The following DEPDC5 variants were observed in gnomAD, a reference collection of about 807,000 sequenced individuals.
DEPDC5 encodes the protein DEP domain containing 5, GATOR1 subcomplex subunit, also known as GATOR1 complex protein DEPDC5.
Under a neutral mutation model 217.3 loss-of-function variants are expected in DEPDC5, and 73 were observed. The ratio of observed to expected loss-of-function variants is 0.34; its 90% CI spans 0.28 to 0.41. The LOEUF is 0.41. Ranked by LOEUF, DEPDC5 falls within the 10% of genes least tolerant of loss-of-function variation. The probability of loss-of-function intolerance (pLI) is 1.00; values close to 1 mark genes in which losing one functional copy is unlikely to be tolerated. For missense variants in DEPDC5, 1,675 were observed against 2,070.1 expected, an observed-to-expected ratio of 0.81 and a Z score of 3.70; for synonymous variants, 733 against 756.7, an observed-to-expected ratio of 0.97 and a Z score of 0.51.
chr22:31,809,131 G>GT (rs1350789688), intron 18 of DEPDC5, among the ~76,000 whole-genome samples: 2 of 151,948 alleles, frequency 1.3e-5, no homozygotes, highest in African/African-American at 4.8e-5. Context: ...AGCTCTATTA[G>GT]TTTTTTTTCC....
chr22:31,843,863 T>C (rs988340612), intron 29 of DEPDC5, 51 bp downstream of exon 29: 5 of 1,521,910 alleles, frequency 3.3e-6, no homozygotes, highest in Middle Eastern at 1.9e-4. Flanking sequence ...GGCAAGGATG[T>C]GTATGTGTAT....
At chr22:31,873,355 G>A (rs775870643) in intron 35 of DEPDC5, 23 bp downstream of exon 35, 3 of 1,606,350 alleles carry the variant, frequency 1.9e-6, no homozygotes, top group East Asian at 2.2e-5. Flanking sequence ...CCACAGTGTA[G>A]GGTTGGAAGG....
chr22:31,906,491 C>G lies in DEPDC5; in HGVS notation c.4806C>G (p.Ala1602=), dbSNP rs2093762137. The part of the protein sequence containing the change: ...TSCLEKMHAS[A]P ...GCCTGGAGAAGATGCATGCCAGTGC[C>G]CCGTGAGGCCAGGCTGCACCTGTGC... Residue 1602 remains alanine, a synonymous_variant, in exon 43 of 43, where the codon GCC becomes GCG. Coordinates refer to ENST00000651528, the MANE Select transcript of DEPDC5 (RefSeq NM_001242896.3). This position sits in a 1 kb window ranked among gnomAD's most constrained non-coding sequence, Gnocchi z 5.1. 1.2e-6 allele frequency: 2 copies of G among 1,613,564 alleles called. No individual in the cohort carries two copies. The highest frequency in any genetic ancestry group is 1.7e-6 in the Non-Finnish European group (2 of 1,179,914).
In DEPDC5 at chr22:31,902,436, AC is replaced by A. The variant is rs1467111144; in HGVS notation, c.4436+635del. On this transcript the variant is annotated intron_variant, in intron 41 of 42. Transcript: ENST00000651528. The stretch of plus-strand genomic sequence containing the variant: ...TATATATATATATATATATATATAT[AC>A]TTATATATACTCATACAACCACAGG... Among the ~76,000 whole-genome samples, 204 of 117,450 alleles carry A rather than the reference AC, an allele frequency of 1.7e-3. 2 individuals carry two copies. The highest frequency in any genetic ancestry group is 4.8e-3 in the African/African-American group (171 of 35,336). 77.1% of individuals were successfully genotyped at this position (117,450 alleles called of 152,430 possible). A position where few individuals can be genotyped will look rare whatever the true frequency, so the allele number is the denominator to read the frequency against.
chr22:31,870,596 G>C lies in DEPDC5; in HGVS notation c.3337G>C (p.Val1113Leu), dbSNP rs769436812. 2 of 1,530,070 alleles carry C rather than the reference G, an allele frequency of 1.3e-6. No homozygotes were observed. Among genetic ancestry groups the C allele is most frequent in the Admixed American group, 2.3e-5 (1 of 43,914 alleles). 94.8% of individuals were successfully genotyped at this position (1,530,070 alleles called of 1,614,324 possible). ...ATTTTTAAATCTCCTGCAGGTATCT[G>C]TGGACCAAACAGCCACTCCTATGTT... ...ASSAFYPQVS[V>L]DQTATPMLDG... Residue 1113 changes from valine to leucine, a missense_variant, in exon 34 of 43, where the codon GTG (valine) becomes CTG (leucine). Transcript: ENST00000651528.
At chr22:31,799,079 C>G (rs1381403709) in intron 14 of DEPDC5, among the ~76,000 whole-genome samples, 1 of 146,842 alleles carries the variant, frequency 6.8e-6, no homozygotes, top group African/African-American at 2.5e-5. Context: ...GAGTCTTGCT[C>G]TGTCGCCAGG....
chr22:31,801,614 C>T (rs1007701663), intron 14 of DEPDC5, among the ~76,000 whole-genome samples: 8 of 152,316 alleles, frequency 5.3e-5, no homozygotes, highest in Admixed American at 4.6e-4. Context: ...CTTAGTGGCT[C>T]TGGGAACCAT....
intron 8 of DEPDC5, among the ~76,000 whole-genome samples, chr22:31,780,980 G>T (rs1476248430): frequency 6.6e-6 from 1 of 152,188 alleles, no homozygotes; most frequent in African/African-American, 2.4e-5. Flanking sequence ...CACTTGGGAG[G>T]CCGAGGCAGG....
chr22:31,870,799 T>G (rs1487850377), intron 34 of DEPDC5, 55 bp downstream of exon 34: 1 of 1,437,458 alleles, frequency 7.0e-7, no homozygotes, highest in Admixed American at 2.7e-5. Flanking sequence ...CAGTCTGATC[T>G]CAAAGGCTGC....
chr22:31,792,196 T>A, intron 11 of DEPDC5, 94 bp downstream of exon 11: 2 of 876,134 alleles, frequency 2.3e-6, no homozygotes, highest in Non-Finnish European at 3.7e-6. Flanking sequence ...CTCGTTGCAC[T>A]TTTCCACCCT....
intron 24 of DEPDC5, among the ~76,000 whole-genome samples, chr22:31,827,211 G>T (rs181249416): frequency 1.3e-5 from 2 of 152,190 alleles, no homozygotes; most frequent in East Asian, 3.9e-4. Context: ...TTTCAAAGGG[G>T]TTAGTGGCCA....
intron 37 of DEPDC5, among the ~76,000 whole-genome samples, chr22:31,878,293 T>C (rs1170067503): frequency 6.6e-6 from 1 of 152,160 alleles, no homozygotes; most frequent in Non-Finnish European, 1.5e-5. Flanking sequence ...TTTTTTTGTA[T>C]ATCCATTGAC....
chr22:31,857,614 T>C, intron 32 of DEPDC5, 61 bp downstream of exon 32: 1 of 1,394,136 alleles, frequency 7.2e-7, no homozygotes, highest in African/African-American at 1.4e-5. Context: ...GTGTGGAGGG[T>C]AAAACAGATC....
intron 19 of DEPDC5, among the ~76,000 whole-genome samples, chr22:31,810,179 G>T (rs534126386): frequency 6.6e-6 from 1 of 152,148 alleles, no homozygotes; most frequent in Admixed American, 6.6e-5. Context: ...TAGGGATCAC[G>T]TAGAAAGTTT....
intron 38 of DEPDC5, chr22:31,891,463 T>A (rs1441323636): frequency 4.8e-6 from 1 of 207,400 alleles, no homozygotes; most frequent in Non-Finnish European, 9.7e-6. Context: ...ACTTAGTCTT[T>A]TGAGAGAATG....
At chr22:31,842,894 C>G (rs2091482383) in intron 27 of DEPDC5, among the ~76,000 whole-genome samples, 1 of 152,150 alleles carries the variant, frequency 6.6e-6, no homozygotes, top group African/African-American at 2.4e-5. Flanking sequence ...TAATCTGCTC[C>G]TGGTTGGTTT....
At chr22:31,792,862 GT>G in intron 12 of DEPDC5, 45 bp downstream of exon 12, 5 of 1,410,554 alleles carry the variant, frequency 3.5e-6, no homozygotes, top group Non-Finnish European at 4.7e-6. Context: ...TTTATTAGTT[GT>G]TTCTTTCCTA....
At chr22:31,856,287 C>T (rs988226416) in intron 31 of DEPDC5, among the ~76,000 whole-genome samples, 2 of 152,070 alleles carry the variant, frequency 1.3e-5, no homozygotes, top group Admixed American at 1.3e-4. Flanking sequence ...GCAGCTGGGG[C>T]TGTCCCTGAA....
intron 4 of DEPDC5, among the ~76,000 whole-genome samples, chr22:31,761,559 A>G (rs2082389107): frequency 6.6e-6 from 1 of 150,492 alleles, no homozygotes; most frequent in Non-Finnish European, 1.5e-5. Context: ...GCTACTCTGG[A>G]GGCTGAGGTG....
Sources: allele counts gnomAD v4.1 joint callset (sites outside exome capture counted in the v4.1 genomes callset), GRCh38; gene constraint gnomAD v4.1.1; non-coding constraint Gnocchi (gnomAD v3.1); transcripts MANE v1.5; gene names NCBI Gene and HGNC (gene_info 2026-07-23, HGNC 2026-07-21).